The following SLC16A4 variants were observed in gnomAD, a reference collection of about 807,000 sequenced individuals.
SLC16A4 encodes solute carrier family 16 member 4.
A neutral mutation model predicts 47.9 loss-of-function variants in SLC16A4; 39 were observed. The ratio of observed to expected loss-of-function variants is 0.81; its 90% CI spans 0.63 to 1.06. The LOEUF (loss-of-function observed/expected upper bound fraction) is 1.06. SLC16A4 is among the 50% of genes least tolerant of loss of function. The pLI is 0.00. For synonymous variants in SLC16A4, 189 were observed against 199.9 expected, an observed-to-expected ratio of 0.95 and a Z score of 0.46; for missense variants, 524 against 573.8, an observed-to-expected ratio of 0.91 and a Z score of 0.89.
At chr1:110,373,854 TTTTGTAGAGATGG>T (rs985017516) in intron 8 of SLC16A4, among the ~76,000 whole-genome samples, 1 of 151,210 alleles carries the variant, frequency 6.6e-6, no homozygotes, top group African/African-American at 2.4e-5. Flanking sequence ...TTTAAAATTT[TTTTGTAGAGATGG>T]TGCCTCACTA....
chr1:110,368,380 T>TG (rs1661506607), intron 8 of SLC16A4, among the ~76,000 whole-genome samples: 1 of 152,210 alleles, frequency 6.6e-6, no homozygotes, highest in Non-Finnish European at 1.5e-5. Context: ...AGGAATAAAC[T>TG]GGCAGCTGAT....
At chr1:110,378,172 TCAGA>T (rs771102744) in intron 6 of SLC16A4, among the ~76,000 whole-genome samples, 48 of 152,368 alleles carry the variant, frequency 3.2e-4, no homozygotes, top group Admixed American at 5.2e-4. Flanking sequence ...ATTTTAAATA[TCAGA>T]CAGTCCATAA....
chr1:110,377,523 T>C (rs1283679620), intron 6 of SLC16A4, among the ~76,000 whole-genome samples: 1 of 152,140 alleles, frequency 6.6e-6, no homozygotes, highest in Non-Finnish European at 1.5e-5. Flanking sequence ...AAAATGAAGT[T>C]TCTAAAAGAC....
chr1:110,376,749 A>G (rs1441823958), intron 7 of SLC16A4, among the ~76,000 whole-genome samples: 1 of 152,164 alleles, frequency 6.6e-6, no homozygotes, highest in Non-Finnish European at 1.5e-5. Flanking sequence ...TTCCTGTCCC[A>G]TGTGGATAGT....
At chr1:110,388,319 T>C (rs1662842817) in intron 2 of SLC16A4, among the ~76,000 whole-genome samples, 1 of 152,110 alleles carries the variant, frequency 6.6e-6, no homozygotes, top group Non-Finnish European at 1.5e-5. Context: ...ATGGAATGCC[T>C]CGTCTAGTTG....
In SLC16A4 at chr1:110,379,206, T is replaced by G. The variant is rs1662209709; in HGVS notation, c.677A>C (p.Glu226Ala). 6.2e-7 allele frequency: 1 copy of G among 1,614,088 alleles called. No individual in the cohort carries two copies. Among genetic ancestry groups the G allele is most frequent in the Admixed American group, 1.7e-5 (1 of 60,000 alleles). The change falls in exon 6 of 9, where the codon GAA becomes GCA. Residue 226 changes from glutamate to alanine, a missense_variant. Physicochemically the swap from Glu to Ala is moderately radical, Grantham distance 107. Transcript: ENST00000369779. The part of the protein sequence containing the change: ...SAHGPEAHAT[E>A]THCHETEEST... ...CTCTTCTGTCTCATGGCAGTGTGTTTCTGTTGCATGTGCCTCTGGACCATG... is the reference window on the plus strand; with the variant it reads ...CTCTTCTGTCTCATGGCAGTGTGTTGCTGTTGCATGTGCCTCTGGACCATG...
Position 110,363,674 on chromosome 1 carries a change from A to T in SLC16A4, c.*92T>A. 5.5e-6 allele frequency: 6 copies of T among 1,090,992 alleles called. No individual in the cohort carries two copies. Among genetic ancestry groups the T allele is most frequent in the Non-Finnish European group, 7.7e-6 (6 of 778,432 alleles). The allele number at this position is 1,090,992 out of a possible 1,614,324, so 67.6% of individuals were successfully genotyped here. A position where few individuals can be genotyped will look rare whatever the true frequency, so the allele number is the denominator to read the frequency against. ...TTTCCTTCTCATGTTACAAATGTAG[A>T]TGCGATGTGTTTCTTTCAAGCTTTT... On this transcript the variant is annotated 3_prime_UTR_variant, in exon 9 of 9. Transcript: ENST00000369779.
At chr1:110,375,126 C>T (rs1270859922) in intron 8 of SLC16A4, 2 of 190,860 alleles carry the variant, frequency 1.0e-5, no homozygotes, top group East Asian at 2.2e-4. Flanking sequence ...GCAATTGCTC[C>T]CAGCCTTTTT....
intron 6 of SLC16A4, 126 bp from the exon 7 acceptor site, chr1:110,377,287 G>C: frequency 1.4e-6 from 1 of 708,744 alleles, no homozygotes; most frequent in Non-Finnish European, 2.3e-6. Flanking sequence ...AAAATGATTT[G>C]ATTTGTGTAC....
chr1:110,381,652 C>T lies in SLC16A4; in HGVS notation c.364G>A (p.Gly122Ser), dbSNP rs145736696. The change falls in exon 4 of 9, where the codon GGT becomes AGT. Residue 122 changes from glycine (G) to serine (S), a missense_variant and splice_region_variant. Physicochemically the swap from Gly to Ser is moderately conservative, Grantham distance 56 (BLOSUM62 0). Transcript: ENST00000369779. ...GGTCACATAATTACAATGGACTCAC[C>T]GGGTAGAAGTCCCATAGTCACACAA... ...FLCVTMGLLP[G>S]LGSAFLYQVA... The T allele has an allele frequency of 5.5e-5, 88 of 1,609,746 alleles. No homozygotes were observed. Among genetic ancestry groups the T allele is most frequent in the Middle Eastern group, 3.3e-4 (2 of 6,058 alleles).
intron 8 of SLC16A4, among the ~76,000 whole-genome samples, chr1:110,367,114 A>G (rs1388043923): frequency 6.6e-6 from 1 of 152,244 alleles, no homozygotes; most frequent in Admixed American, 6.5e-5. Flanking sequence ...TTAAGTGGCT[A>G]CTAGGTTAGT....
At chr1:110,380,936 G>A (rs983438236) in intron 5 of SLC16A4, 46 bp downstream of exon 5, 18 of 1,549,952 alleles carry the variant, frequency 1.2e-5, no homozygotes, top group African/African-American at 5.4e-5. Context: ...AAAGCTGAAC[G>A]CTAAATCTTG....
intron 8 of SLC16A4, chr1:110,375,050 T>C (rs1435690447): frequency 6.2e-6 from 1 of 161,040 alleles, no homozygotes; most frequent in Non-Finnish European, 1.4e-5. Context: ...CAGGCTGGTC[T>C]TGAACCCCTC....
At chr1:110,381,851 T>C in intron 3 of SLC16A4, 56 bp from the exon 4 acceptor site, 1 of 1,481,072 alleles carries the variant, frequency 6.8e-7, no homozygotes, top group Non-Finnish European at 9.3e-7. Flanking sequence ...GCATCCCTTA[T>C]CCTCTGATGG....
rs1457400211 is a variant in SLC16A4 at position 110,381,725 on chromosome 1, A to G, written c.291T>C (p.Val97=). 3 of 1,613,770 alleles carry G rather than the reference A, an allele frequency of 1.9e-6. No individual in the cohort carries two copies. The highest frequency in any genetic ancestry group is 2.5e-6 in the Non-Finnish European group (3 of 1,179,936). ...KTTSILGAFV[V]TGGYLISSWA... ...AGCTGCTGATCAGATATCCACCAGTAACAACGAAAGCCCCAAGAATGGAGG... is the reference window on the plus strand; with the variant it reads ...AGCTGCTGATCAGATATCCACCAGTGACAACGAAAGCCCCAAGAATGGAGG... The change falls in exon 4 of 9, where the codon GTT becomes GTC. Residue 97 remains valine, a synonymous_variant. Transcript: ENST00000369779.
intron 8 of SLC16A4, among the ~76,000 whole-genome samples, chr1:110,364,499 C>CTT (rs34416973): frequency 0.022 from 2,348 of 104,650 alleles, 152 homozygotes; most frequent in African/African-American, 0.073. Flanking sequence ...AATCTAAATG[C>CTT]TTTTTTTTTT....
chr1:110,375,834 C>T (rs1223524213), intron 7 of SLC16A4, among the ~76,000 whole-genome samples: 1 of 151,980 alleles, frequency 6.6e-6, no homozygotes, highest in Non-Finnish European at 1.5e-5. Flanking sequence ...TTCCCCAAAC[C>T]TTGCTGCTTT....
chr1:110,381,853 C>A, intron 3 of SLC16A4, 58 bp from the exon 4 acceptor site: 1 of 1,455,768 alleles, frequency 6.9e-7, no homozygotes, highest in Non-Finnish European at 9.5e-7. Flanking sequence ...ATCCCTTATC[C>A]TCTGATGGCG....
chr1:110,364,364 G>A (rs999604331), intron 8 of SLC16A4, among the ~76,000 whole-genome samples: 1 of 152,024 alleles, frequency 6.6e-6, no homozygotes, highest in Non-Finnish European at 1.5e-5. Context: ...GGGGAGATAG[G>A]TACCAACCAC....
Sources: gnomAD v4.1 joint callset for allele counts (sites outside exome capture counted in the v4.1 genomes callset) on GRCh38, gnomAD v4.1.1 for gene constraint, MANE v1.5 for transcripts, NCBI Gene and HGNC (gene_info 2026-07-23, HGNC 2026-07-21) for gene names.